The following SLC16A1 variants were observed in gnomAD, a reference collection of about 807,000 sequenced individuals.
SLC16A1 encodes the protein monocarboxylate transporter 1.
A neutral mutation model predicts 32.2 loss-of-function variants in SLC16A1; 11 were observed. The ratio of observed to expected loss-of-function variants is 0.34; its 90% CI spans 0.21 to 0.56. SLC16A1 has a LOEUF of 0.56. SLC16A1 is among the 20% of genes least tolerant of loss of function. SLC16A1 has a pLI of 0.87. For synonymous variants in SLC16A1, 231 were observed against 226.8 expected, an observed-to-expected ratio of 1.02 and a Z score of -0.17; for missense variants, 435 against 615.0, an observed-to-expected ratio of 0.71 and a Z score of 3.10.
intron 1 of SLC16A1, among the ~76,000 whole-genome samples, chr1:112,941,374 T>C (rs1210665237): frequency 1.3e-5 from 2 of 150,290 alleles, no homozygotes; most frequent in African/African-American, 4.9e-5. Context: ...CTCCGCCTCC[T>C]GGATTCAAGC....
At chr1:112,940,635 T>A (rs147898587) in intron 1 of SLC16A1, among the ~76,000 whole-genome samples, 94 of 152,280 alleles carry the variant, frequency 6.2e-4, no homozygotes, top group African/African-American at 2.2e-3. Flanking sequence ...AGCTGATATA[T>A]ATGTATACTG....
chr1:112,912,309 C>T lies in SLC16A1; in HGVS notation c.*1582G>A, dbSNP rs1648348685. On this transcript the variant is annotated 3_prime_UTR_variant, in exon 5 of 5. Transcript: ENST00000369626. The stretch of plus-strand genomic sequence containing the variant: ...TGAAACCTGGTAATGAAAATGAAGA[C>T]ACAGCAATATTTTCCTCAAGAAAAT... 1 of 152,150 alleles carries T rather than the reference C, an allele frequency of 6.6e-6. No homozygotes were observed. Among genetic ancestry groups the T allele is most frequent in the South Asian group, 2.1e-4 (1 of 4,832 alleles). 9.4% of individuals were successfully genotyped at this position (152,150 alleles called of 1,614,324 possible).
In SLC16A1 at chr1:112,917,488, A is replaced by G. The variant is rs747977175; in HGVS notation, c.918T>C (p.Ala306=). 6.2e-7 allele frequency: 1 copy of G among 1,614,220 alleles called. No homozygotes were observed. The highest frequency in any genetic ancestry group is 8.5e-7 in the Non-Finnish European group (1 of 1,180,038). ...ATGGTCGGGCTACCATGTCAACAAA[A>G]GCCAGAATGGAAAGAAGGAAGGCAG... ...EKSAFLLSIL[A]FVDMVARPSM... is the part of the protein sequence containing the mutation. The change falls in exon 4 of 5, where the codon GCT becomes GCC. Residue 306 remains alanine, a synonymous_variant. Transcript: ENST00000369626. The surrounding 1 kb of genome is among the most constrained non-coding windows in gnomAD (Gnocchi z 4.1).
At chr1:112,923,261 G>GTGAGCCAAGAT (rs1557846758) in intron 2 of SLC16A1, among the ~76,000 whole-genome samples, 1 of 151,662 alleles carries the variant, frequency 6.6e-6, no homozygotes, top group Non-Finnish European at 1.5e-5. Flanking sequence ...GGAGGTTGCG[G>GTGAGCCAAGAT]TGAGCCATTG....
chr1:112,950,481 A>C (rs1172309449), intron 1 of SLC16A1, among the ~76,000 whole-genome samples: 1 of 152,222 alleles, frequency 6.6e-6, no homozygotes, highest in Non-Finnish European at 1.5e-5. Context: ...ATTTTGAGGA[A>C]ATTCTCCTAT....
intron 1 of SLC16A1, among the ~76,000 whole-genome samples, chr1:112,932,733 G>A (rs1649177849): frequency 7.0e-6 from 1 of 142,554 alleles, no homozygotes; most frequent in African/African-American, 2.6e-5. Context: ...GGCAGAGGTT[G>A]CAGTGAGCCG....
intron 3 of SLC16A1, among the ~76,000 whole-genome samples, chr1:112,920,937 A>C (rs1274640349): frequency 6.6e-6 from 1 of 152,086 alleles, no homozygotes; most frequent in Non-Finnish European, 1.5e-5. Flanking sequence ...CAGGAGATCG[A>C]CTATACTGAC....
chr1:112,926,571 G>C (rs1471689283), intron 2 of SLC16A1, among the ~76,000 whole-genome samples: 1 of 151,960 alleles, frequency 6.6e-6, no homozygotes, highest in East Asian at 1.9e-4. Context: ...TGTACAGTTA[G>C]AATTACAAAG....
chr1:112,949,847 T>G (rs1378739234), intron 1 of SLC16A1, among the ~76,000 whole-genome samples: 1 of 152,146 alleles, frequency 6.6e-6, no homozygotes, highest in Non-Finnish European at 1.5e-5. Context: ...CAGAATAATG[T>G]TTTTAAATGC....
intron 2 of SLC16A1, chr1:112,923,396 C>G (rs558797131): frequency 4.8e-6 from 3 of 622,898 alleles, no homozygotes; most frequent in Non-Finnish European, 8.9e-6. Context: ...TGCTCCCGGG[C>G]TGTCGCAGTC....
At chr1:112,934,805 TTTG>T (rs1162007050) in intron 1 of SLC16A1, among the ~76,000 whole-genome samples, 5 of 152,184 alleles carry the variant, frequency 3.3e-5, no homozygotes, top group Admixed American at 1.3e-4. Context: ...GTAGAATATC[TTTG>T]TTGTTCTTCC....
At chr1:112,920,053 GCTCAATA>G (rs1648667889) in intron 3 of SLC16A1, among the ~76,000 whole-genome samples, 1 of 152,134 alleles carries the variant, frequency 6.6e-6, no homozygotes, top group Non-Finnish European at 1.5e-5. Context: ...TACAGTTGTT[GCTCAATA>G]AATATTTCAT....
At chr1:112,953,464 C>T (rs1287408645) in intron 1 of SLC16A1, among the ~76,000 whole-genome samples, 1 of 152,168 alleles carries the variant, frequency 6.6e-6, no homozygotes, top group Non-Finnish European at 1.5e-5. Flanking sequence ...GCTTGAAAAT[C>T]CTTCAACTGC....
At chr1:112,939,343 A>G (rs1019859271) in intron 1 of SLC16A1, among the ~76,000 whole-genome samples, 1 of 152,230 alleles carries the variant, frequency 6.6e-6, no homozygotes, top group African/African-American at 2.4e-5. Context: ...AATTAAAAAT[A>G]CAATTACCAT....
chr1:112,945,347 A>T (rs1310579774), intron 1 of SLC16A1, among the ~76,000 whole-genome samples: 1 of 151,308 alleles, frequency 6.6e-6, no homozygotes, highest in East Asian at 1.9e-4. Context: ...GAAGAACAGC[A>T]TTCTGGTCTA....
At chr1:112,925,890 T>C (rs1189028842) in intron 2 of SLC16A1, among the ~76,000 whole-genome samples, 1 of 152,254 alleles carries the variant, frequency 6.6e-6, no homozygotes, top group Non-Finnish European at 1.5e-5. Context: ...ACTTATAGTC[T>C]AGTTTTACTA....
chr1:112,943,811 T>G (rs1348541607), intron 1 of SLC16A1, among the ~76,000 whole-genome samples: 1 of 145,822 alleles, frequency 6.9e-6, no homozygotes, highest in Middle Eastern at 3.4e-3. Context: ...AAAAAAAAGA[T>G]TGCAAACTAA....
chr1:112,947,704 T>G (rs993199332), intron 1 of SLC16A1, among the ~76,000 whole-genome samples: 3 of 152,214 alleles, frequency 2.0e-5, no homozygotes, highest in Non-Finnish European at 4.4e-5. Flanking sequence ...AATAACTGCT[T>G]GTATATAACA....
At chr1:112,925,896 T>G (rs1485549887) in intron 2 of SLC16A1, among the ~76,000 whole-genome samples, 2 of 152,230 alleles carry the variant, frequency 1.3e-5, no homozygotes, top group African/African-American at 4.8e-5. Flanking sequence ...AGTCTAGTTT[T>G]ACTATTCAGA....
Sources: allele counts gnomAD v4.1 joint callset (sites outside exome capture counted in the v4.1 genomes callset), GRCh38; gene constraint gnomAD v4.1.1; non-coding constraint Gnocchi (gnomAD v3.1); transcripts MANE v1.5; gene names NCBI Gene and HGNC (gene_info 2026-07-23, HGNC 2026-07-21).